The following PDILT variants were observed in gnomAD, a reference collection of about 807,000 sequenced individuals.
PDILT encodes the protein protein disulfide isomerase like, testis expressed.
In PDILT, 43 loss-of-function variants were observed where a neutral mutation model predicts 53.7. The ratio of observed to expected loss-of-function variants is 0.80; its 90% CI spans 0.63 to 1.03. The LOEUF (loss-of-function observed/expected upper bound fraction) is 1.03. PDILT is among the 50% of genes least tolerant of loss of function. The pLI is 0.00. For synonymous variants in PDILT, 282 were observed against 274.2 expected, an observed-to-expected ratio of 1.03 and a Z score of -0.28; for missense variants, 727 against 712.3, an observed-to-expected ratio of 1.02 and a Z score of -0.24.
chr16:20,376,249 A>G (rs752452112), intron 3 of PDILT, 48 bp from the exon 4 acceptor site: 97 of 1,604,210 alleles, frequency 6.0e-5, no homozygotes, highest in Admixed American at 2.2e-4. Context: ...TTCCTCTTGA[A>G]CCAAAGCAAG....
chr16:20,399,960 T>C (rs942573226), intron 1 of PDILT, among the ~76,000 whole-genome samples: 1 of 152,066 alleles, frequency 6.6e-6, no homozygotes, highest in African/African-American at 2.4e-5. Flanking sequence ...AAGTATGGAA[T>C]GAATCCTTAC....
At chr16:20,366,090 CAAAA>C (rs34816350) in intron 8 of PDILT, among the ~76,000 whole-genome samples, 4 of 72,262 alleles carry the variant, frequency 5.5e-5, no homozygotes, top group Admixed American at 1.6e-4. Flanking sequence ...ATTTCGTCTC[CAAAA>C]AAAAAAAAAA....
At chr16:20,388,786 C>G (rs913659284) in intron 2 of PDILT, 1 of 152,264 alleles carries the variant, frequency 6.6e-6, no homozygotes, top group Non-Finnish European at 1.5e-5. Context: ...GTGGCACACG[C>G]CTGTAATCCC....
chr16:20,361,070 C>T (rs140049878), intron 10 of PDILT, among the ~76,000 whole-genome samples: 48 of 152,142 alleles, frequency 3.2e-4, no homozygotes, highest in Admixed American at 5.9e-4. Flanking sequence ...ATGATAAGCA[C>T]GATAGGCGTT....
chr16:20,367,003 T>TC (rs1201411817), intron 8 of PDILT, among the ~76,000 whole-genome samples: 1 of 149,634 alleles, frequency 6.7e-6, no homozygotes, highest in African/African-American at 2.5e-5. Context: ...TTTCTTTCTT[T>TC]ATTTATTTCT....
chr16:20,368,416 G>A (rs1966247983), intron 8 of PDILT, among the ~76,000 whole-genome samples: 1 of 152,084 alleles, frequency 6.6e-6, no homozygotes, highest in African/African-American at 2.4e-5. Flanking sequence ...TGGAAAGAAG[G>A]ACAGCAGCCT....
chr16:20,392,215 T>C (rs1966613722), intron 2 of PDILT, among the ~76,000 whole-genome samples: 1 of 152,136 alleles, frequency 6.6e-6, no homozygotes, highest in African/African-American at 2.4e-5. Context: ...AAGAACAACC[T>C]TGAGGTTTCT....
At chr16:20,368,865 T>C (rs1301046305) in intron 8 of PDILT, among the ~76,000 whole-genome samples, 1 of 152,170 alleles carries the variant, frequency 6.6e-6, no homozygotes, top group Non-Finnish European at 1.5e-5. Flanking sequence ...ATTACAGGCA[T>C]GAACCACCGC....
intron 4 of PDILT, 84 bp downstream of exon 4, chr16:20,375,984 G>A (rs551525093): frequency 1.4e-5 from 21 of 1,529,490 alleles, no homozygotes; most frequent in African/African-American, 1.2e-4. Flanking sequence ...CAATCAAAAC[G>A]GAAGAGTCTC....
At chr16:20,392,766 G>A (rs1009711144) in intron 2 of PDILT, among the ~76,000 whole-genome samples, 5 of 152,292 alleles carry the variant, frequency 3.3e-5, no homozygotes, top group Admixed American at 1.3e-4. Context: ...TATGCATGTT[G>A]GTTGTGTCAA....
At chr16:20,374,992 G>C in intron 4 of PDILT, 33 bp from the exon 5 acceptor site, 1 of 1,578,184 alleles carries the variant, frequency 6.3e-7, no homozygotes, top group Non-Finnish European at 8.6e-7. Context: ...AAAGGCTTTG[G>C]TAGAAATCAA....
Position 20,384,688 on chromosome 16 carries a change from C to T in PDILT, c.366G>A (p.Lys122=), listed in dbSNP as rs1179483796. The T allele has an allele frequency of 1.2e-6, 2 of 1,614,106 alleles. No individual in the cohort carries two copies. The highest frequency in any genetic ancestry group is 1.3e-5 in the African/African-American group (1 of 74,940). The change falls in exon 3 of 12, where the codon AAG becomes AAA. Residue 122 remains lysine, a synonymous_variant. Transcript: ENST00000302451. ...EFGITKAPEL[K]LFFEGNRSEP... ...CTGACCTGTTGCCCTCAAAAAACAG[C>T]TTCAACTCCGGGGCCTTGGTAATCC...
intron 2 of PDILT, among the ~76,000 whole-genome samples, chr16:20,393,707 C>A (rs1381194534): frequency 2.0e-5 from 3 of 152,136 alleles, no homozygotes; most frequent in African/African-American, 4.8e-5. Context: ...GAATTTCTGG[C>A]AGGGGACATA....
At chr16:20,370,834 C>G (rs575844954) in intron 7 of PDILT, among the ~76,000 whole-genome samples, 1 of 152,298 alleles carries the variant, frequency 6.6e-6, no homozygotes, top group Non-Finnish European at 1.5e-5. Flanking sequence ...GGCATCCTCA[C>G]TGCTACACTC....
chr16:20,393,059 G>A (rs566969305), intron 2 of PDILT, among the ~76,000 whole-genome samples: 16 of 152,258 alleles, frequency 1.1e-4, no homozygotes, highest in African/African-American at 3.9e-4. Context: ...TTAGAAATTA[G>A]GGCTGCAGCA....
At chr16:20,361,587 C>G (rs149589772) in intron 10 of PDILT, among the ~76,000 whole-genome samples, 1 of 152,178 alleles carries the variant, frequency 6.6e-6, no homozygotes, top group Non-Finnish European at 1.5e-5. Flanking sequence ...ATCCTCTCAG[C>G]CCAGCCTCAG....
chr16:20,364,964 C>T (rs1966168669), intron 9 of PDILT, among the ~76,000 whole-genome samples: 1 of 152,158 alleles, frequency 6.6e-6, no homozygotes, highest in Non-Finnish European at 1.5e-5. Flanking sequence ...AATCCCAGTT[C>T]CGGCACTTAC....
chr16:20,364,175 C>T (rs181508609), intron 9 of PDILT, among the ~76,000 whole-genome samples: 21 of 152,348 alleles, frequency 1.4e-4, no homozygotes, highest in Non-Finnish European at 2.5e-4. Flanking sequence ...AATGAAGCTG[C>T]TGTTGCCTTT....
At chr16:20,367,090 T>C (rs141666819) in intron 8 of PDILT, among the ~76,000 whole-genome samples, 3,919 of 91,124 alleles carry the variant, frequency 0.043, 121 homozygotes, top group African/African-American at 0.076. Flanking sequence ...TTTCTTTCTT[T>C]CTTTCTTTCT....
Sources: allele counts gnomAD v4.1 joint callset (sites outside exome capture counted in the v4.1 genomes callset), GRCh38; gene constraint gnomAD v4.1.1; transcripts MANE v1.5; gene names NCBI Gene and HGNC (gene_info 2026-07-23, HGNC 2026-07-21).